Variants in DOP1A observed in about 807,000 individuals in gnomAD.
The protein encoded by DOP1A is DOP1 leucine zipper like protein A.
DOP1A carries 90 observed loss-of-function variants against 267.6 expected under a neutral mutation model. The ratio of observed to expected loss-of-function variants is 0.34; its 90% confidence interval spans 0.28 to 0.40. DOP1A has a LOEUF of 0.40. Ranked by LOEUF, DOP1A falls within the 10% of genes least tolerant of loss-of-function variation. The pLI, the probability that DOP1A is intolerant of heterozygous loss-of-function variation, is 1.00. For missense variants in DOP1A, 2,437 were observed against 2,900.4 expected (o/e 0.84, Z 3.67); for synonymous variants, 932 against 999.1 (o/e 0.93, Z 1.27).
chr6:83,102,096 A>G (rs1008643989), intron 4 of DOP1A, among the ~76,000 whole-genome samples: 1 of 152,158 alleles, frequency 6.6e-6, no homozygotes, highest in Non-Finnish European at 1.5e-5. Context: ...ACATCGCCAT[A>G]TAGATCTTTA....
chr6:83,092,678 T>C (rs1330948060), intron 1 of DOP1A, among the ~76,000 whole-genome samples: 2 of 151,014 alleles, frequency 1.3e-5, no homozygotes, highest in African/African-American at 4.9e-5. Flanking sequence ...ATACCAGTGA[T>C]AAAGTTTAAT....
chr6:83,170,202 TAAAG>T (rs1786801543), downstream of DOP1A: 3 of 1,052,804 alleles, frequency 2.8e-6, no homozygotes, highest in Non-Finnish European at 2.8e-6. Flanking sequence ...CTCAACAAAA[TAAAG>T]CCTTAATCAT....
chr6:83,168,957 C>A (rs951678634), downstream of DOP1A: 3 of 1,174,164 alleles, frequency 2.6e-6, no homozygotes, highest in Non-Finnish European at 2.1e-6. Context: ...TTGTTCCCCA[C>A]ATAAAACTGT....
chr6:83,135,919 TTAAAA>T (rs1562343217), intron 20 of DOP1A, 41 bp downstream of exon 20: 2 of 1,591,588 alleles, frequency 1.3e-6, no homozygotes, highest in Non-Finnish European at 1.7e-6. Context: ...TTTAGAATTA[TTAAAA>T]TAAAGTGATA....
intron 16 of DOP1A, 39 bp downstream of exon 16, chr6:83,129,547 C>G: frequency 7.0e-7 from 1 of 1,424,136 alleles, no homozygotes; most frequent in Non-Finnish European, 9.2e-7. Context: ...TCAGTATTGT[C>G]TGTAGTATGT....
At chr6:83,152,969 T>TA (rs1170102126) in intron 30 of DOP1A, among the ~76,000 whole-genome samples, 1 of 152,184 alleles carries the variant, frequency 6.6e-6, no homozygotes, top group Non-Finnish European at 1.5e-5. Flanking sequence ...TATTTTACAA[T>TA]TTACCAAACA....
intron 21 of DOP1A, 82 bp from the exon 22 acceptor site, chr6:83,139,918 C>T: frequency 1.1e-6 from 1 of 873,390 alleles, no homozygotes. Context: ...GTGTACCTGA[C>T]ACATTGTGAG....
intron 19 of DOP1A, among the ~76,000 whole-genome samples, 189 bp from the exon 20 acceptor site, chr6:83,135,430 T>C (rs1201830521): frequency 3.3e-5 from 5 of 151,446 alleles, no homozygotes; most frequent in Admixed American, 1.3e-4. Flanking sequence ...AAAGGTTTTT[T>C]TCCTTTCTTA....
At chr6:83,154,561 A>C (rs1782353127) in intron 33 of DOP1A, among the ~76,000 whole-genome samples, 1 of 152,202 alleles carries the variant, frequency 6.6e-6, no homozygotes. Context: ...CCAGCACATA[A>C]TAATAGCACT....
chr6:83,072,998 T>C, intron 1 of DOP1A: 1 of 374,512 alleles, frequency 2.7e-6, no homozygotes, highest in Non-Finnish European at 5.4e-6. Flanking sequence ...TTAAAGTTAG[T>C]CTCTGACATT....
intron 34 of DOP1A, among the ~76,000 whole-genome samples, chr6:83,156,543 C>A (rs138639138): frequency 6.6e-6 from 1 of 152,274 alleles, no homozygotes; most frequent in East Asian, 1.9e-4. Flanking sequence ...TCGGTAACTT[C>A]ATCAAGTGGG....
intron 1 of DOP1A, among the ~76,000 whole-genome samples, chr6:83,076,890 G>A (rs1181841640): frequency 6.6e-6 from 1 of 152,056 alleles, no homozygotes; most frequent in Non-Finnish European, 1.5e-5. Flanking sequence ...ATGGATTAAT[G>A]GATAAGCAAA....
rs780713321 is a variant in DOP1A at position 83,138,398 on chromosome 6, C to T, written c.4356C>T (p.Tyr1452=). 7.4e-6 allele frequency: 12 copies of T among 1,611,054 alleles called. No individual in the cohort carries two copies. The Admixed American group carries it at 1.5e-4, about 20-fold the overall frequency. ...DSNHNFRSSM[Y]IEILISLCLY... Reference sequence around the variant, plus strand: ...ATCATAACTTCCGGAGTTCTATGTACATAGAAATTCTTATTTCTCTCTGCT... The same window carrying T: ...ATCATAACTTCCGGAGTTCTATGTATATAGAAATTCTTATTTCTCTCTGCT... Residue 1452 remains tyrosine (Y), a synonymous_variant, in exon 21 of 39, where the codon TAC becomes TAT. Coordinates refer to ENST00000349129, the MANE Select transcript of DOP1A (RefSeq NM_015018.4).
chr6:83,148,886 A>C (rs1781048134), intron 27 of DOP1A, 23 bp downstream of exon 27: 1 of 1,354,744 alleles, frequency 7.4e-7, no homozygotes, highest in Non-Finnish European at 1.0e-6. Flanking sequence ...ACTTAATATT[A>C]TTTCAAATAA....
intron 1 of DOP1A, among the ~76,000 whole-genome samples, chr6:83,069,440 C>G (rs1407219286): frequency 6.6e-6 from 1 of 152,180 alleles, no homozygotes; most frequent in African/African-American, 2.4e-5. Context: ...TCTATTTTCT[C>G]ATGGCCAAAT....
chr6:83,149,605 T>C (rs1781232117), intron 27 of DOP1A, among the ~76,000 whole-genome samples: 1 of 152,066 alleles, frequency 6.6e-6, no homozygotes, highest in Admixed American at 6.6e-5. Flanking sequence ...GAATGTGGTC[T>C]TGAAAGGGAG....
chr6:83,168,584 G>A (rs974363903), downstream of DOP1A: 63 of 997,418 alleles, frequency 6.3e-5, no homozygotes, highest in Middle Eastern at 1.6e-3. Flanking sequence ...GCTGGGAAAC[G>A]TATTATAATT....
chr6:83,094,612 T>G (rs1771105937), intron 1 of DOP1A, among the ~76,000 whole-genome samples: 1 of 152,234 alleles, frequency 6.6e-6, no homozygotes, highest in African/African-American at 2.4e-5. Context: ...ATTGTGGTTT[T>G]GATTTGTTTC....
At chr6:83,148,670 A>G (rs1414518994) in intron 26 of DOP1A, 89 bp from the exon 27 acceptor site, 6 of 830,462 alleles carry the variant, frequency 7.2e-6, no homozygotes, top group South Asian at 3.8e-5. Context: ...TTGTTCTATC[A>G]TTGTCTATAA....
Sources: gnomAD v4.1 joint callset for allele counts (sites outside exome capture counted in the v4.1 genomes callset) on GRCh38, gnomAD v4.1.1 for gene constraint, MANE v1.5 for transcripts, NCBI Gene and HGNC (gene_info 2026-07-23, HGNC 2026-07-21) for gene names.